FTCDNL1: variants seen among roughly 807,000 people sequenced by gnomAD.
FTCDNL1 encodes formiminotransferase cyclodeaminase N-terminal like, also known as formiminotransferase N-terminal subdomain-containing protein.
Under a neutral mutation model 5.9 loss-of-function variants are expected in FTCDNL1, and 11 were observed. That is an observed-to-expected ratio of 1.87 (90% CI 1.18 to 3.10). The LOEUF is 3.10. FTCDNL1 is among the 30% of genes most tolerant of loss of function. FTCDNL1 has a pLI of 0.00. For synonymous variants in FTCDNL1, 58 were observed against 24.8 expected (o/e 2.34, Z -3.99); for missense variants, 115 against 65.5 (o/e 1.76, Z -2.61).
the FTCDNL1 span, among the ~76,000 whole-genome samples, chr2:199,734,569 A>G: frequency 6.6e-6 from 1 of 152,224 alleles, no homozygotes; most frequent in African/African-American, 2.4e-5. Flanking sequence ...AATAAGTCTC[A>G]AAAGTTATCT....
At chr2:199,744,600 T>C in the FTCDNL1 span, among the ~76,000 whole-genome samples, 103 of 152,156 alleles carry the variant, frequency 6.8e-4, no homozygotes, top group African/African-American at 2.3e-3. Flanking sequence ...TGTAAGAAAA[T>C]AAATTTCTGT....
the FTCDNL1 span, among the ~76,000 whole-genome samples, chr2:199,704,742 C>G: frequency 6.6e-6 from 1 of 152,132 alleles, no homozygotes; most frequent in African/African-American, 2.4e-5. Flanking sequence ...GCCCCCACCC[C>G]TCACACACAG....
downstream of FTCDNL1, among the ~76,000 whole-genome samples, chr2:199,804,996 C>A (rs1452172802): frequency 1.3e-5 from 2 of 152,170 alleles, no homozygotes. Context: ...AGCTGGGGCT[C>A]AGGCGTCTGA....
At chr2:199,673,185 G>C in the FTCDNL1 span, among the ~76,000 whole-genome samples, 4 of 151,390 alleles carry the variant, frequency 2.6e-5, no homozygotes, top group Non-Finnish European at 5.9e-5. Flanking sequence ...AAAATTATCT[G>C]GGTGTGGTGG....
At chr2:199,785,371 T>C (rs1699587960) in intron 3 of FTCDNL1, among the ~76,000 whole-genome samples, 1 of 148,236 alleles carries the variant, frequency 6.7e-6, no homozygotes, top group Non-Finnish European at 1.5e-5. Context: ...CCTCAGCCTC[T>C]CCGAGTAGCT....
the FTCDNL1 span, among the ~76,000 whole-genome samples, chr2:199,746,858 G>A: frequency 6.6e-6 from 1 of 152,072 alleles, no homozygotes; most frequent in African/African-American, 2.4e-5. Flanking sequence ...TGTTCCTTGT[G>A]TTCTGCCAAA....
chr2:199,771,007 A>G (rs1337313436), intron 3 of FTCDNL1, among the ~76,000 whole-genome samples: 1 of 152,234 alleles, frequency 6.6e-6, no homozygotes, highest in Non-Finnish European at 1.5e-5. Flanking sequence ...CTCACAGTAC[A>G]TGTATACAGC....
At chr2:199,806,749 C>A (rs1574569302), downstream of FTCDNL1, among the ~76,000 whole-genome samples, 1 of 151,882 alleles carries the variant, frequency 6.6e-6, no homozygotes, top group African/African-American at 2.4e-5. Context: ...CCAATGACAA[C>A]TCCCCCTCTC....
chr2:199,751,794 A>T, the FTCDNL1 span, among the ~76,000 whole-genome samples: 4 of 151,852 alleles, frequency 2.6e-5, no homozygotes, highest in Admixed American at 2.0e-4. Flanking sequence ...AGTAGGTGAA[A>T]AGCTTTTTAT....
intron 3 of FTCDNL1, among the ~76,000 whole-genome samples, chr2:199,788,802 TA>T (rs1699783584): frequency 6.6e-6 from 1 of 151,798 alleles, no homozygotes; most frequent in Non-Finnish European, 1.5e-5. Context: ...CAAGCCTGAT[TA>T]AAGATAAAGG....
At chr2:199,777,384 T>C (rs368522693) in intron 3 of FTCDNL1, among the ~76,000 whole-genome samples, 2 of 152,128 alleles carry the variant, frequency 1.3e-5, no homozygotes, top group East Asian at 3.9e-4. Context: ...GGTCAACCAG[T>C]AGGCTGGAGA....
At chr2:199,799,527 T>C (rs1488724493) in intron 3 of FTCDNL1, among the ~76,000 whole-genome samples, 7 of 152,226 alleles carry the variant, frequency 4.6e-5, no homozygotes, top group East Asian at 1.9e-4. Flanking sequence ...TCCCAGATGG[T>C]GTCATCCAGA....
At chr2:199,791,448 A>C in intron 3 of FTCDNL1, among the ~76,000 whole-genome samples, 1 of 152,176 alleles carries the variant, frequency 6.6e-6, no homozygotes, top group South Asian at 2.1e-4. Context: ...CAACTATTAG[A>C]TTATGATTTA....
At chr2:199,698,243 A>C in the FTCDNL1 span, among the ~76,000 whole-genome samples, 1 of 152,318 alleles carries the variant, frequency 6.6e-6, no homozygotes, top group Middle Eastern at 3.4e-3. Context: ...GAATACTAAC[A>C]GAGCTATTGA....
At chr2:199,696,123 G>T in the FTCDNL1 span, among the ~76,000 whole-genome samples, 1 of 152,146 alleles carries the variant, frequency 6.6e-6, no homozygotes, top group Non-Finnish European at 1.5e-5. Flanking sequence ...GCACTCTCCC[G>T]CAGCTTCCCA....
At chr2:199,761,476 G>C (rs1305440052) in intron 3 of FTCDNL1, among the ~76,000 whole-genome samples, 1 of 152,118 alleles carries the variant, frequency 6.6e-6, no homozygotes, top group African/African-American at 2.4e-5. Flanking sequence ...TCCTGATCTC[G>C]ATGTTTCTCA....
the FTCDNL1 span, among the ~76,000 whole-genome samples, chr2:199,691,563 G>A: frequency 1.3e-5 from 2 of 152,208 alleles, no homozygotes; most frequent in African/African-American, 4.8e-5. Flanking sequence ...CAATGGTAAA[G>A]TAGGTCCAAG....
downstream of FTCDNL1, among the ~76,000 whole-genome samples, chr2:199,758,542 A>T (rs1261832790): frequency 6.6e-6 from 1 of 152,072 alleles, no homozygotes; most frequent in Non-Finnish European, 1.5e-5. Context: ...ACTTTGGAGG[A>T]TAATTTCTTA....
At position 199,809,732 on chromosome 2, in the gene FTCDNL1, T is replaced by C. The variant is rs1253964344; in HGVS notation, c.*2973A>G. Among the ~76,000 whole-genome samples the C allele has an allele frequency of 6.6e-6, 1 of 152,216 alleles. No individual in the cohort carries two copies. Among genetic ancestry groups the C allele is most frequent in the Non-Finnish European group, 1.5e-5 (1 of 68,038 alleles). ...AAGAATAAGTACTTCCTTGAAGTCATGCCCAACACCATCATGCCATCTCCC... is the reference window on the plus strand; with the variant it reads ...AAGAATAAGTACTTCCTTGAAGTCACGCCCAACACCATCATGCCATCTCCC... On this transcript the variant is annotated 3_prime_UTR_variant, in exon 5 of 5. Coordinates refer to ENST00000420128, the MANE Select transcript of FTCDNL1 (RefSeq NM_001363886.2).
Sources: gnomAD v4.1 joint callset for allele counts (sites outside exome capture counted in the v4.1 genomes callset) on GRCh38, gnomAD v4.1.1 for gene constraint, MANE v1.5 for transcripts, NCBI Gene and HGNC (gene_info 2026-07-23, HGNC 2026-07-21) for gene names.